TENM2: variants seen among roughly 807,000 people sequenced by gnomAD.
TENM2 encodes teneurin transmembrane protein 2.
In TENM2, 52 loss-of-function variants were observed where a neutral mutation model predicts 245.2. The observed-to-expected ratio is 0.21, with a 90% CI of 0.17 to 0.27. The LOEUF (loss-of-function observed/expected upper bound fraction) is 0.27, where lower values mean the gene tolerates loss of function less well. TENM2 is among the 10% of genes least tolerant of loss of function. TENM2 has a pLI of 1.00. For synonymous variants in TENM2, 1,363 were observed against 1,438.9 expected, an observed-to-expected ratio of 0.95 and a Z score of 1.19; for missense variants, 3,046 against 3,666.8, an observed-to-expected ratio of 0.83 and a Z score of 4.37.
intron 2 of TENM2, among the ~76,000 whole-genome samples, chr5:167,623,610 C>T (rs1778312696): frequency 6.6e-6 from 1 of 152,098 alleles, no homozygotes; most frequent in Non-Finnish European, 1.5e-5. Context: ...CTACCTCACA[C>T]CTGGCTGCTT....
chr5:167,943,564 A>G (rs1779361922), intron 3 of TENM2, among the ~76,000 whole-genome samples: 1 of 152,146 alleles, frequency 6.6e-6, no homozygotes. Flanking sequence ...AAATATCCAA[A>G]TTTTGCCCAG....
At chr5:168,136,786 G>T (rs144314434) in intron 12 of TENM2, among the ~76,000 whole-genome samples, 1 of 152,308 alleles carries the variant, frequency 6.6e-6, no homozygotes, top group East Asian at 1.9e-4. Flanking sequence ...GCCAGTCTCT[G>T]AATCCCAGTT....
intron 2 of TENM2, among the ~76,000 whole-genome samples, chr5:167,585,003 T>C (rs138683582): frequency 7.9e-4 from 120 of 152,340 alleles, no homozygotes; most frequent in Non-Finnish European, 1.6e-3. Context: ...ATTTCATCAA[T>C]AACTCTTGAA....
At chr5:167,824,908 A>G (rs973884209) in intron 2 of TENM2, among the ~76,000 whole-genome samples, 7 of 152,198 alleles carry the variant, frequency 4.6e-5, no homozygotes, top group Admixed American at 3.3e-4. Flanking sequence ...GGGGGCTACC[A>G]GTTTGCAACC....
the TENM2 span, among the ~76,000 whole-genome samples, chr5:167,162,420 G>A: frequency 7.9e-5 from 12 of 152,158 alleles, no homozygotes; most frequent in African/African-American, 2.2e-4. Flanking sequence ...TTGAGGTCAA[G>A]AGTTTGAGAC....
At chr5:167,554,149 G>A (rs140432626) in intron 2 of TENM2, among the ~76,000 whole-genome samples, 226 of 152,162 alleles carry the variant, frequency 1.5e-3, no homozygotes, top group African/African-American at 5.1e-3. Flanking sequence ...TTGCAGTACC[G>A]CCCTCCAATT....
At chr5:167,929,400 G>A (rs1296519780) in intron 3 of TENM2, among the ~76,000 whole-genome samples, 1 of 152,152 alleles carries the variant, frequency 6.6e-6, no homozygotes, top group African/African-American at 2.4e-5. Context: ...CTGAGTCTAT[G>A]CAAAAGCATA....
chr5:167,394,302 G>A (rs1364456623), intron 2 of TENM2, among the ~76,000 whole-genome samples: 1 of 152,054 alleles, frequency 6.6e-6, no homozygotes, highest in Non-Finnish European at 1.5e-5. Flanking sequence ...TTTGTGTATG[G>A]TGTAAAAGAT....
the TENM2 span, among the ~76,000 whole-genome samples, chr5:167,113,366 G>A: frequency 6.6e-6 from 1 of 152,110 alleles, no homozygotes; most frequent in Admixed American, 6.6e-5. Flanking sequence ...ATAAGGTTTG[G>A]AGAGGTGTTC....
chr5:167,137,115 A>C, the TENM2 span, among the ~76,000 whole-genome samples: 1 of 152,080 alleles, frequency 6.6e-6, no homozygotes, highest in African/African-American at 2.4e-5. Flanking sequence ...CAAAATCACT[A>C]ATCCCTTTAT....
At chr5:167,524,760 A>C (rs1286471926) in intron 2 of TENM2, among the ~76,000 whole-genome samples, 2 of 151,846 alleles carry the variant, frequency 1.3e-5, no homozygotes, top group Non-Finnish European at 2.9e-5. Context: ...ACCCCAGGTC[A>C]TTGCTATTTT....
intron 2 of TENM2, among the ~76,000 whole-genome samples, chr5:167,789,766 C>T (rs1406367324): frequency 6.6e-6 from 1 of 152,164 alleles, no homozygotes; most frequent in East Asian, 1.9e-4. Context: ...AATATGCTGT[C>T]TGCAGTCAGA....
intron 2 of TENM2, among the ~76,000 whole-genome samples, chr5:167,419,717 T>C (rs567547401): frequency 8.5e-4 from 130 of 152,324 alleles, no homozygotes; most frequent in South Asian, 1.9e-3. Context: ...TACTCATCAC[T>C]TTCTGTATGT....
the TENM2 span, among the ~76,000 whole-genome samples, chr5:167,037,417 C>T: frequency 6.6e-6 from 1 of 152,128 alleles, no homozygotes; most frequent in Admixed American, 6.5e-5. Context: ...CTGTTGTTTC[C>T]ACTAAGTTCT....
At chr5:167,692,089 G>A (rs561460468) in intron 2 of TENM2, among the ~76,000 whole-genome samples, 5 of 151,940 alleles carry the variant, frequency 3.3e-5, no homozygotes, top group Admixed American at 2.0e-4. Context: ...TTGCCACCCC[G>A]GAATACCACT....
At chr5:168,148,880 TAGA>T (rs761197124) in intron 12 of TENM2, among the ~76,000 whole-genome samples, 1 of 127,664 alleles carries the variant, frequency 7.8e-6, no homozygotes, top group African/African-American at 3.0e-5. Flanking sequence ...ATATGATAGA[TAGA>T]TAGATAGATA....
At chr5:167,659,194 GT>G (rs1755045472) in intron 2 of TENM2, among the ~76,000 whole-genome samples, 1 of 152,190 alleles carries the variant, frequency 6.6e-6, no homozygotes, top group Non-Finnish European at 1.5e-5. Context: ...GCATTTGTTG[GT>G]GTTCATTCTA....
intron 2 of TENM2, among the ~76,000 whole-genome samples, chr5:167,444,287 A>G (rs1056722300): frequency 8.4e-5 from 5 of 59,714 alleles, no homozygotes; most frequent in African/African-American, 3.1e-4. Flanking sequence ...GCACACATGC[A>G]CACATACACA....
At chr5:167,895,147 T>C (rs929322207) in intron 3 of TENM2, among the ~76,000 whole-genome samples, 205 of 152,292 alleles carry the variant, frequency 1.3e-3, no homozygotes, top group Non-Finnish European at 1.3e-4. Context: ...TCTATTAGAA[T>C]AGAGGCTTTA....
Sources: gnomAD v4.1 joint callset for allele counts (sites outside exome capture counted in the v4.1 genomes callset) on GRCh38, gnomAD v4.1.1 for gene constraint, MANE v1.5 for transcripts, NCBI Gene and HGNC (gene_info 2026-07-23, HGNC 2026-07-21) for gene names.